PCGF3: variants seen among roughly 807,000 people sequenced by gnomAD.
The protein encoded by PCGF3 is polycomb group ring finger 3.
A neutral mutation model predicts 33.1 loss-of-function variants in PCGF3; 7 were observed. That is an observed-to-expected ratio of 0.21 (90% CI 0.12 to 0.40). The LOEUF is 0.40. Ranked by LOEUF, PCGF3 falls within the 10% of genes least tolerant of loss-of-function variation. The pLI, the probability that PCGF3 is intolerant of heterozygous loss-of-function variation, is 1.00. For synonymous variants in PCGF3, 153 were observed against 121.3 expected (o/e 1.26, Z -1.72); for missense variants, 211 against 313.3 (o/e 0.67, Z 2.46).
At chr4:711,703 C>A (rs1307024778) in intron 1 of PCGF3, among the ~76,000 whole-genome samples, 1 of 151,298 alleles carries the variant, frequency 6.6e-6, no homozygotes, top group Non-Finnish European at 1.5e-5. Context: ...ATGATCCACC[C>A]GCCTCGGCCT....
At chr4:742,555 G>T (rs905870035) in intron 6 of PCGF3, among the ~76,000 whole-genome samples, 1 of 152,194 alleles carries the variant, frequency 6.6e-6, no homozygotes, top group African/African-American at 2.4e-5. Flanking sequence ...AGTGACCCAC[G>T]TCGTCCACTG....
intron 8 of PCGF3, among the ~76,000 whole-genome samples, chr4:760,114 G>A (rs893500491): frequency 6.6e-6 from 1 of 152,224 alleles, no homozygotes; most frequent in African/African-American, 2.4e-5. Context: ...AGTGGCTCTT[G>A]CGGGGCCTTT....
chr4:741,918 G>A (rs1577422344), intron 6 of PCGF3, among the ~76,000 whole-genome samples: 1 of 152,256 alleles, frequency 6.6e-6, no homozygotes, highest in Middle Eastern at 3.4e-3. Flanking sequence ...TCTGCAGACT[G>A]ATGGGAACAG....
At chr4:761,153 A>G (rs1577445811) in intron 8 of PCGF3, 126 bp from the exon 9 acceptor site, 1 of 617,968 alleles carries the variant, frequency 1.6e-6, no homozygotes, top group Admixed American at 3.8e-5. Flanking sequence ...AAGTCAAAGC[A>G]GATGTCTGAT....
Position 761,426 on chromosome 4 carries a change from G to A in PCGF3, c.600+10G>A. 6.9e-6 allele frequency: 11 copies of A among 1,593,670 alleles called. No individual in the cohort carries two copies. Among genetic ancestry groups the A allele is most frequent in the Non-Finnish European group, 9.4e-6 (11 of 1,168,596 alleles). The stretch of plus-strand genomic sequence containing the variant: ...TTCATCCTTTAACGAGGTAACAGTT[G>A]ATCCCTAAGTAGAAACCATAACAAG... On this transcript the variant is annotated intron_variant, in intron 9 of 10. Transcript: ENST00000362003.
At position 720,840 on chromosome 4, in the gene PCGF3, A is replaced by C. The variant is rs1050550859; in HGVS notation, c.-189-9790A>C. 6.6e-6 allele frequency among the ~76,000 whole-genome samples: 1 copy of C among 152,184 alleles called. No homozygotes were observed. Among genetic ancestry groups the C allele is most frequent in the African/African-American group, 2.4e-5 (1 of 41,448 alleles). Reference sequence around the variant, plus strand: ...GGCTCGGCTCTGCTGTCAGGAGGACATGTCAGACTTCTGTCTCTAAGATAC... The same window carrying C: ...GGCTCGGCTCTGCTGTCAGGAGGACCTGTCAGACTTCTGTCTCTAAGATAC... On this transcript the variant is annotated intron_variant, in intron 1 of 10. Transcript: ENST00000362003. This position sits in a 1 kb window ranked among gnomAD's most constrained non-coding sequence, Gnocchi z 5.6.
intron 6 of PCGF3, 144 bp from the exon 7 acceptor site, chr4:743,330 C>T (rs969492327): frequency 6.6e-6 from 4 of 602,288 alleles, no homozygotes; most frequent in Non-Finnish European, 9.1e-6. Context: ...CAAAACATCT[C>T]AGTCTTAATT....
intron 5 of PCGF3, among the ~76,000 whole-genome samples, chr4:737,125 G>A (rs528978196): frequency 4.3e-5 from 5 of 117,638 alleles, no homozygotes; most frequent in South Asian, 3.1e-4. Flanking sequence ...CTGAGCGCAC[G>A]GGACGCGGGG....
chr4:714,096 G>A (rs1436792335), intron 1 of PCGF3, among the ~76,000 whole-genome samples: 87 of 152,162 alleles, frequency 5.7e-4, no homozygotes, highest in Non-Finnish European at 7.3e-5. Flanking sequence ...CCTGATGACA[G>A]GACCAGCGCC....
At chr4:763,945 A>C (rs1254846687) in intron 9 of PCGF3, among the ~76,000 whole-genome samples, 4 of 152,230 alleles carry the variant, frequency 2.6e-5, no homozygotes, top group Non-Finnish European at 5.9e-5. Context: ...CTAAGTAGAG[A>C]AGCCCCTCTG....
intron 8 of PCGF3, among the ~76,000 whole-genome samples, chr4:755,468 G>A (rs189604623): frequency 4.6e-5 from 7 of 152,240 alleles, no homozygotes; most frequent in African/African-American, 1.4e-4. Context: ...GCCGCCCCAC[G>A]CTCACTGCAG....
chr4:759,942 C>G (rs1334844879), intron 8 of PCGF3, among the ~76,000 whole-genome samples: 1 of 149,312 alleles, frequency 6.7e-6, no homozygotes, highest in Admixed American at 6.6e-5. Flanking sequence ...GACTCCGGGT[C>G]TTTCTCCCCA....
chr4:762,903 G>C (rs1459512769), intron 9 of PCGF3: 2 of 152,278 alleles, frequency 1.3e-5, no homozygotes, highest in African/African-American at 4.8e-5. Context: ...AGAAAAGGAA[G>C]GGGTCAGGAA....
chr4:728,847 C>G (rs772757296), intron 1 of PCGF3, among the ~76,000 whole-genome samples: 1 of 152,108 alleles, frequency 6.6e-6, no homozygotes, highest in Non-Finnish European at 1.5e-5. Flanking sequence ...CGCCTGTATT[C>G]CCAGCACTCT....
chr4:751,362 A>G (rs1474154357), intron 8 of PCGF3, among the ~76,000 whole-genome samples: 6 of 152,128 alleles, frequency 3.9e-5, no homozygotes, highest in Non-Finnish European at 8.8e-5. Flanking sequence ...GCGACGTTAT[A>G]GTTATTTAGG....
At chr4:761,966 G>A (rs1577447024) in intron 9 of PCGF3, 4 of 985,216 alleles carry the variant, frequency 4.1e-6, no homozygotes, top group South Asian at 4.7e-5. Flanking sequence ...GTCTGGTGTC[G>A]TTTTTGAAAA....
chr4:761,901 G>T (rs1331576506), intron 9 of PCGF3: 1 of 985,344 alleles, frequency 1.0e-6, no homozygotes, highest in Non-Finnish European at 1.2e-6. Flanking sequence ...GGCGCCAGCA[G>T]GGTCCAGCTT....
chr4:740,754 A>G (rs984313856), intron 6 of PCGF3, among the ~76,000 whole-genome samples: 2 of 152,136 alleles, frequency 1.3e-5, no homozygotes, highest in Non-Finnish European at 2.9e-5. Flanking sequence ...TAATTTAAGA[A>G]TTGAAATTTC....
At chr4:733,163 C>T (rs182803764) in intron 3 of PCGF3, among the ~76,000 whole-genome samples, 49 of 151,172 alleles carry the variant, frequency 3.2e-4, no homozygotes, top group Admixed American at 1.9e-3. Context: ...GCCGCGCCGG[C>T]CCCACAAGTG....
Sources: allele counts gnomAD v4.1 joint callset (sites outside exome capture counted in the v4.1 genomes callset), GRCh38; gene constraint gnomAD v4.1.1; non-coding constraint Gnocchi (gnomAD v3.1); transcripts MANE v1.5; gene names NCBI Gene and HGNC (gene_info 2026-07-23, HGNC 2026-07-21).